Variants in ADAMTS20 observed in about 807,000 individuals in gnomAD.
The protein encoded by ADAMTS20 is ADAM metallopeptidase with thrombospondin type 1 motif 20, also known as A disintegrin and metalloproteinase with thrombospondin motifs 20.
A neutral mutation model predicts 260.1 loss-of-function variants in ADAMTS20; 225 were observed. The observed-to-expected ratio is 0.87, with a 90% CI of 0.78 to 0.97. ADAMTS20 has a LOEUF of 0.97. Ranked by LOEUF, ADAMTS20 falls within the 50% of genes least tolerant of loss-of-function variation. ADAMTS20 has a pLI of 0.00. For synonymous variants in ADAMTS20, 802 were observed against 769.5 expected, an observed-to-expected ratio of 1.04 and a Z score of -0.70; for missense variants, 2,400 against 2,337.7, an observed-to-expected ratio of 1.03 and a Z score of -0.55.
At position 43,377,495 on chromosome 12, in the gene ADAMTS20, T is replaced by G; in HGVS notation, c.4865A>C (p.Lys1622Thr). The G allele has an allele frequency of 6.2e-7, 1 of 1,613,798 alleles. No homozygotes were observed. The highest frequency in any genetic ancestry group is 8.5e-7 in the Non-Finnish European group (1 of 1,179,748). The change falls in exon 32 of 39, where the codon AAG (lysine) becomes ACG (threonine). Residue 1622 changes from lysine (K) to threonine (T), a missense_variant. Coordinates refer to ENST00000389420, the MANE Select transcript of ADAMTS20 (RefSeq NM_025003.5). Reference protein sequence around the residue: ...ITYCTEIPSTKKHKLHRLRPI... With the variant: ...ITYCTEIPSTTKHKLHRLRPI... The stretch of plus-strand genomic sequence containing the variant: ...CCGAAGTCGATGGAGCTTATGTTTC[T>G]TAGTAGATGGGATCTCGGTGCAATA...
At chr12:43,411,482 C>A (rs904490776) in intron 28 of ADAMTS20, among the ~76,000 whole-genome samples, 1 of 152,140 alleles carries the variant, frequency 6.6e-6, no homozygotes, top group African/African-American at 2.4e-5. Flanking sequence ...ATTCTCCTGC[C>A]TCAGCCTCCC....
In ADAMTS20 at chr12:43,436,498, T is replaced by TCA. The variant is rs3031199; in HGVS notation, c.2594-2128_2594-2127insTG. 4.0e-5 allele frequency among the ~76,000 whole-genome samples: 6 copies of TCA among 151,414 alleles called. No homozygotes were observed. The East Asian group carries it at 9.7e-4, about 24-fold the overall frequency. ...TTAGCCCCAAATATTTAAAATATGA[T>TCA]TTGAACATATCAATATAAAATTATT... On this transcript the variant is annotated intron_variant, in intron 18 of 38. Coordinates refer to ENST00000389420, the MANE Select transcript of ADAMTS20 (RefSeq NM_025003.5).
At chr12:43,398,180 C>G (rs117088653) in intron 29 of ADAMTS20, among the ~76,000 whole-genome samples, 386 of 152,298 alleles carry the variant, frequency 2.5e-3, no homozygotes, top group Non-Finnish European at 4.0e-3. Flanking sequence ...CATTGAAAGT[C>G]TAGACCCATT....
chr12:43,428,626 A>T lies in ADAMTS20; in HGVS notation c.3654+9T>A. Reference sequence around the variant, plus strand: ...TTTCATTTTCTTTTTTTCTCATAAGAATACTTACGGGTGACCAATCCCCTG... The same window carrying T: ...TTTCATTTTCTTTTTTTCTCATAAGTATACTTACGGGTGACCAATCCCCTG... On this transcript the variant is annotated intron_variant, in intron 25 of 38. Transcript: ENST00000389420. 6.5e-7 allele frequency: 1 copy of T among 1,545,006 alleles called. No individual in the cohort carries two copies. Among genetic ancestry groups the T allele is most frequent in the Admixed American group, 2.0e-5 (1 of 50,260 alleles).
chr12:43,363,689 T>C (rs1304927536), intron 37 of ADAMTS20, among the ~76,000 whole-genome samples: 2 of 152,204 alleles, frequency 1.3e-5, no homozygotes. Context: ...CAAGTTTAGG[T>C]ACTTTCTGGA....
intron 11 of ADAMTS20, among the ~76,000 whole-genome samples, chr12:43,455,492 C>T (rs1289106136): frequency 1.3e-5 from 2 of 152,218 alleles, no homozygotes; most frequent in East Asian, 3.9e-4. Context: ...CGAGACAGCT[C>T]AATCCTGAAG....
intron 7 of ADAMTS20, among the ~76,000 whole-genome samples, chr12:43,486,823 T>A (rs960547012): frequency 6.6e-6 from 1 of 151,988 alleles, no homozygotes; most frequent in Non-Finnish European, 1.5e-5. Flanking sequence ...TATGAAAAAA[T>A]GCTCATCATT....
rs1191553150 is a variant in ADAMTS20, at chr12:43,551,341, C to A, written c.92-71G>T. On this transcript the variant is annotated intron_variant, in intron 1 of 38. Coordinates refer to ENST00000389420, the MANE Select transcript of ADAMTS20 (RefSeq NM_025003.5). The surrounding 1 kb of genome is among the most constrained non-coding windows in gnomAD (Gnocchi z 4.6). ...TTGTCCAACTCTAAACTTCTTCCAC[C>A]AAACGTCCCCGCTAAAGGTCCCAGG... The A allele has an allele frequency of 6.5e-7, 1 of 1,536,422 alleles. No individual in the cohort carries two copies. Among genetic ancestry groups the A allele is most frequent in the South Asian group, 1.3e-5 (1 of 78,792 alleles).
At chr12:43,432,911 A>G in intron 19 of ADAMTS20, 100 bp from the exon 20 acceptor site, 1 of 1,099,460 alleles carries the variant, frequency 9.1e-7, no homozygotes, top group Non-Finnish European at 1.3e-6. Context: ...CTAAAAGTTG[A>G]TAGACAAACC....
rs1334192872 is a variant in ADAMTS20, at chr12:43,551,191, C to A, written c.171G>T (p.Gln57His). ...RVNEFGEVFP[Q>H]SHHFSRQKRS... The stretch of plus-strand genomic sequence containing the variant: ...GTTTCTGCCGGCTGAAGTGGTGGCT[C>A]TGAGGGAACACTTCTCCAAACTCAT... The change falls in exon 2 of 39, where the codon CAG becomes CAT. Residue 57 changes from glutamine to histidine, a missense_variant. Physicochemically the swap from Gln to His is conservative, Grantham distance 24. Transcript: ENST00000389420. This position sits in a 1 kb window ranked among gnomAD's most constrained non-coding sequence, Gnocchi z 4.6. 5 of 1,613,812 alleles carry A rather than the reference C, an allele frequency of 3.1e-6. No homozygotes were observed. Among genetic ancestry groups the A allele is most frequent in the Non-Finnish European group, 4.2e-6 (5 of 1,179,884 alleles).
chr12:43,515,463 C>T lies in ADAMTS20; in HGVS notation c.614-13058G>A, dbSNP rs547925888. On this transcript the variant is annotated intron_variant, in intron 3 of 38. Transcript: ENST00000389420. The stretch of plus-strand genomic sequence containing the variant: ...TAACTCAATTCTAATGCTACTATTG[C>T]CAATTTTTTTATTAATCTACATTTA... Among the ~76,000 whole-genome samples, 5 of 152,204 alleles carry T rather than the reference C, an allele frequency of 3.3e-5. 1 individual carries two copies. The highest frequency in any genetic ancestry group is 1.2e-4 in the African/African-American group (5 of 41,556).
intron 28 of ADAMTS20, among the ~76,000 whole-genome samples, chr12:43,421,575 T>C (rs1232056686): frequency 6.6e-6 from 1 of 152,060 alleles, no homozygotes; most frequent in Non-Finnish European, 1.5e-5. Context: ...TCCCTTACTA[T>C]ATATGAATGA....
At chr12:43,465,732 C>A (rs1942141308) in intron 9 of ADAMTS20, among the ~76,000 whole-genome samples, 1 of 152,056 alleles carries the variant, frequency 6.6e-6, no homozygotes, top group African/African-American at 2.4e-5. Context: ...TATTTTTAAC[C>A]ATTGAACAAA....
At position 43,377,665 on chromosome 12, in the gene ADAMTS20, C is replaced by T. The variant is rs1312288475; in HGVS notation, c.4798-103G>A. 20 of 926,516 alleles carry T rather than the reference C, an allele frequency of 2.2e-5. No homozygotes were observed. The East Asian group carries it at 5.2e-4, about 24-fold the overall frequency. 57.4% of individuals were successfully genotyped at this position (926,516 alleles called of 1,614,324 possible). ...ATATTATGCTGTGTCATTTCCACAACAATCCTATTTAATTAGCTTCATTTA... is the reference window on the plus strand; with the variant it reads ...ATATTATGCTGTGTCATTTCCACAATAATCCTATTTAATTAGCTTCATTTA... On this transcript the variant is annotated intron_variant, in intron 31 of 38. Transcript: ENST00000389420.
At chr12:43,409,601 C>CAAAAAAAAAAAAAAAAAAAAAA (rs67474640) in intron 28 of ADAMTS20, among the ~76,000 whole-genome samples, 2 of 46,908 alleles carry the variant, frequency 4.3e-5, no homozygotes, top group Non-Finnish European at 7.1e-5. Context: ...GACTCCGTCT[C>CAAAAAAAAAAAAAAAAAAAAAA]AAAAAAAAAA....
chr12:43,388,111 A>T (rs1940520907), intron 29 of ADAMTS20, among the ~76,000 whole-genome samples: 1 of 151,892 alleles, frequency 6.6e-6, no homozygotes, highest in African/African-American at 2.4e-5. Flanking sequence ...GTGTCTACCC[A>T]AACAGCCACC....
intron 3 of ADAMTS20, among the ~76,000 whole-genome samples, chr12:43,506,673 T>G (rs533294322): frequency 5.9e-5 from 9 of 152,076 alleles, no homozygotes; most frequent in Admixed American, 2.0e-4. Flanking sequence ...AGAGATAGGA[T>G]TTCACCATGT....
intron 3 of ADAMTS20, among the ~76,000 whole-genome samples, chr12:43,505,660 G>A (rs1035627773): frequency 5.3e-5 from 8 of 152,170 alleles, no homozygotes; most frequent in African/African-American, 1.9e-4. Flanking sequence ...ATGTTGACAA[G>A]TATGTGGAGA....
At chr12:43,356,712 ACT>A (rs1329707741) in intron 37 of ADAMTS20, 124 bp from the exon 38 acceptor site, 1 of 619,642 alleles carries the variant, frequency 1.6e-6, no homozygotes, top group Admixed American at 2.7e-5. Context: ...TGGAGAAGTA[ACT>A]CTGCCCAACT....
Sources: allele counts gnomAD v4.1 joint callset (sites outside exome capture counted in the v4.1 genomes callset), GRCh38; gene constraint gnomAD v4.1.1; non-coding constraint Gnocchi (gnomAD v3.1); transcripts MANE v1.5; gene names NCBI Gene and HGNC (gene_info 2026-07-23, HGNC 2026-07-21).